PRICKLE1: variants seen among roughly 807,000 people sequenced by gnomAD.
PRICKLE1 encodes prickle planar cell polarity protein 1, also known as prickle-like protein 1.
Under a neutral mutation model 70.2 loss-of-function variants are expected in PRICKLE1, and 14 were observed. The ratio of observed to expected loss-of-function variants is 0.20; its 90% confidence interval spans 0.13 to 0.31. The LOEUF is 0.31. Among genes scored for constraint, PRICKLE1 ranks in the 10% least tolerant of loss-of-function variants. PRICKLE1 has a pLI of 1.00. For missense variants in PRICKLE1, 821 were observed against 1,026.2 expected, an observed-to-expected ratio of 0.80 and a Z score of 2.73; for synonymous variants, 357 against 379.9, an observed-to-expected ratio of 0.94 and a Z score of 0.70.
chr12:42,460,773 A>C, intron 7 of PRICKLE1, 108 bp from the exon 8 acceptor site: 8 of 1,330,842 alleles, frequency 6.0e-6, no homozygotes, highest in Non-Finnish European at 8.5e-6. Context: ...TTCCAATCTC[A>C]ATATTTGATT....
intron 1 of PRICKLE1, among the ~76,000 whole-genome samples, chr12:42,531,867 A>G (rs1166479063): frequency 6.6e-6 from 1 of 152,188 alleles, no homozygotes; most frequent in Non-Finnish European, 1.5e-5. Flanking sequence ...TTCTCATTTA[A>G]AAATTTTTGC....
intron 1 of PRICKLE1, among the ~76,000 whole-genome samples, chr12:42,552,161 G>T (rs1315778727): frequency 1.3e-5 from 2 of 150,760 alleles, no homozygotes; most frequent in African/African-American, 4.9e-5. Flanking sequence ...CTGCCTCCTG[G>T]GCTCAAGTGA....
At chr12:42,471,328 T>C (rs2140121991) in intron 2 of PRICKLE1, among the ~76,000 whole-genome samples, 1 of 152,194 alleles carries the variant, frequency 6.6e-6, no homozygotes, top group African/African-American at 2.4e-5. Flanking sequence ...CAAAGGATAC[T>C]GCAGAGCTGA....
intron 1 of PRICKLE1, among the ~76,000 whole-genome samples, chr12:42,488,664 A>G (rs547223155): frequency 6.6e-6 from 1 of 152,316 alleles, no homozygotes; most frequent in South Asian, 2.1e-4. Flanking sequence ...ATATTGAGAG[A>G]GCTGTACCAT....
chr12:42,587,797 C>A (rs903028909), intron 1 of PRICKLE1, among the ~76,000 whole-genome samples: 1 of 152,234 alleles, frequency 6.6e-6, no homozygotes, highest in Admixed American at 6.5e-5. Flanking sequence ...AGTTTAAAAT[C>A]CCCTGGTGGG....
chr12:42,466,559 T>C (rs181621360), intron 5 of PRICKLE1, among the ~76,000 whole-genome samples, 179 bp from the exon 6 acceptor site: 7 of 152,290 alleles, frequency 4.6e-5, no homozygotes, highest in African/African-American at 1.7e-4. Context: ...AGCTACAAAC[T>C]AGAGCATAAA....
At chr12:42,533,689 AAGAG>A (rs1361856295) in intron 1 of PRICKLE1, among the ~76,000 whole-genome samples, 1 of 151,990 alleles carries the variant, frequency 6.6e-6, no homozygotes, top group Middle Eastern at 3.4e-3. Flanking sequence ...ACAAAAAATA[AAGAG>A]AGAGAGAGAG....
chr12:42,502,222 C>T (rs1345633234), intron 1 of PRICKLE1, among the ~76,000 whole-genome samples: 1 of 143,996 alleles, frequency 6.9e-6, no homozygotes, highest in African/African-American at 2.7e-5. Context: ...TATACACACA[C>T]CTATACATAT....
chr12:42,466,719 G>A (rs1219095785), intron 5 of PRICKLE1, among the ~76,000 whole-genome samples: 2 of 151,898 alleles, frequency 1.3e-5, no homozygotes, highest in Admixed American at 1.3e-4. Context: ...ACATTAACAC[G>A]GAAATAATTT....
At chr12:42,560,101 T>TCAA in intron 1 of PRICKLE1, among the ~76,000 whole-genome samples, 1 of 126,868 alleles carries the variant, frequency 7.9e-6, no homozygotes, top group Non-Finnish European at 1.7e-5. Context: ...GAAATCTCCT[T>TCAA]TAATTATTAT....
chr12:42,507,542 T>C (rs1939441420), intron 1 of PRICKLE1, among the ~76,000 whole-genome samples: 1 of 152,216 alleles, frequency 6.6e-6, no homozygotes, highest in Non-Finnish European at 1.5e-5. Flanking sequence ...TTGCACCAGT[T>C]CTATAGCTTT....
intron 1 of PRICKLE1, among the ~76,000 whole-genome samples, chr12:42,511,515 CT>C (rs1939511976): frequency 6.6e-6 from 1 of 152,182 alleles, no homozygotes; most frequent in Admixed American, 6.5e-5. Context: ...AGGGTCTGGC[CT>C]TGTGGTGGGT....
rs748731880 is a variant in PRICKLE1 at position 42,568,618 on chromosome 12, C to G, written c.-49+20847G>C. Among the ~76,000 whole-genome samples the G allele has an allele frequency of 2.0e-5, 3 of 152,222 alleles. 1 individual carries two copies. The highest frequency in any genetic ancestry group is 2.4e-5 in the African/African-American group (1 of 41,452). On this transcript the variant is annotated intron_variant, in intron 1 of 7. Transcript: ENST00000345127. The stretch of plus-strand genomic sequence containing the variant: ...TATTTTCAAAAAGTTCATCTCAGAT[C>G]AGCAAGGCAATTTTATTCTATTATG...
chr12:42,511,110 A>G (rs1278630992), intron 1 of PRICKLE1, among the ~76,000 whole-genome samples: 1 of 152,216 alleles, frequency 6.6e-6, no homozygotes, highest in African/African-American at 2.4e-5. Context: ...GCTCTCCCAC[A>G]ATAAAACCAG....
rs552408178 is a variant in PRICKLE1 at position 42,484,436 on chromosome 12, T to C, written c.-48-11872A>G. On this transcript the variant is annotated intron_variant, in intron 1 of 7. Coordinates refer to ENST00000345127, the MANE Select transcript of PRICKLE1 (RefSeq NM_153026.3). ...CACCTCTTAAAGAAATCATCTCCAC[T>C]CTGCCCATAACAATGATGTCAGCAA... 2.0e-5 allele frequency: 3 copies of C among 152,272 alleles called. No homozygotes were observed. In the East Asian group the frequency reaches 5.8e-4, roughly 29 times the overall value. 9.4% of individuals were successfully genotyped at this position (152,272 alleles called of 1,614,324 possible).
chr12:42,465,612 C>T (rs999525216), intron 6 of PRICKLE1: 7 of 293,484 alleles, frequency 2.4e-5, no homozygotes, highest in South Asian at 2.3e-4. Flanking sequence ...TATCTACTGC[C>T]GCGTTTTCTG....
In PRICKLE1 at chr12:42,472,474, C is replaced by T. The variant is rs1258793726; in HGVS notation, c.43G>A (p.Gly15Ser). 2 of 1,614,056 alleles carry T rather than the reference C, an allele frequency of 1.2e-6. No individual in the cohort carries two copies. Among genetic ancestry groups the T allele is most frequent in the Non-Finnish European group, 1.7e-6 (2 of 1,180,036 alleles). The change falls in exon 2 of 8, where the codon GGC becomes AGC. Residue 15 changes from glycine to serine, a missense_variant. Coordinates refer to ENST00000345127, the MANE Select transcript of PRICKLE1 (RefSeq NM_153026.3). ...MEPKMSKLAF[G>S]CQRSSTSDDD... ...TCTGATGTGGAACTTCTCTGACAGC[C>T]AAAGGCCAGTTTGCTCATCTTGGGC...
intron 1 of PRICKLE1, among the ~76,000 whole-genome samples, chr12:42,588,963 C>A (rs1461765162): frequency 1.3e-5 from 2 of 152,144 alleles, no homozygotes; most frequent in African/African-American, 2.4e-5. Flanking sequence ...CATCGCGGGG[C>A]AGGGGGTTGG....
chr12:42,573,885 T>C (rs900586920), intron 1 of PRICKLE1, among the ~76,000 whole-genome samples: 2 of 152,204 alleles, frequency 1.3e-5, no homozygotes, highest in Admixed American at 1.3e-4. Flanking sequence ...TGCATCATCA[T>C]GAAGTTCTCT....
Sources: allele counts gnomAD v4.1 joint callset (sites outside exome capture counted in the v4.1 genomes callset), GRCh38; gene constraint gnomAD v4.1.1; transcripts MANE v1.5; gene names NCBI Gene and HGNC (gene_info 2026-07-23, HGNC 2026-07-21).